Variants in USP18 observed in about 807,000 individuals in gnomAD.
USP18 encodes the protein ubiquitin specific peptidase 18.
USP18 carries 11 observed loss-of-function variants against 48.7 expected under a neutral mutation model. That is an observed-to-expected ratio of 0.23 (90% CI 0.14 to 0.37). The LOEUF (loss-of-function observed/expected upper bound fraction) is 0.37, where lower values mean the gene tolerates loss of function less well. USP18 is among the 10% of genes least tolerant of loss of function. The pLI is 1.00. For missense variants in USP18, 285 were observed against 436.4 expected, an observed-to-expected ratio of 0.65 and a Z score of 3.09; for synonymous variants, 114 against 163.2, an observed-to-expected ratio of 0.70 and a Z score of 2.30.
chr22:18,164,162 G>A (rs563743820), intron 4 of USP18, among the ~76,000 whole-genome samples: 3 of 152,300 alleles, frequency 2.0e-5, no homozygotes, highest in African/African-American at 7.2e-5. Flanking sequence ...AGTGGGAGCA[G>A]CTGTGGAGGT....
chr22:18,160,689 T>G lies in USP18; in HGVS notation c.254+421T>G, dbSNP rs531966947. Reference sequence around the variant, plus strand: ...TCTCAAAAGCTGGCAGAGGAAAGATTGGCTTCTGCATATTCTGGCCTACAC... The same window carrying G: ...TCTCAAAAGCTGGCAGAGGAAAGATGGGCTTCTGCATATTCTGGCCTACAC... On this transcript the variant is annotated intron_variant, in intron 3 of 10. Transcript: ENST00000215794. 5.3e-5 allele frequency among the ~76,000 whole-genome samples: 8 copies of G among 152,146 alleles called. No individual in the cohort carries two copies. The South Asian group carries it at 1.7e-3, about 32-fold the overall frequency.
chr22:18,156,360 C>G (rs542379810), intron 1 of USP18, among the ~76,000 whole-genome samples: 8 of 152,226 alleles, frequency 5.3e-5, no homozygotes, highest in Non-Finnish European at 1.0e-4. Context: ...CAGTGGCAAC[C>G]TGGTCAGGTT....
chr22:18,158,286 T>A (rs1307613432), intron 2 of USP18, among the ~76,000 whole-genome samples: 1 of 152,140 alleles, frequency 6.6e-6, no homozygotes, highest in Non-Finnish European at 1.5e-5. Context: ...AGACTCTGTC[T>A]CAAACAAACA....
At chr22:18,173,094 T>G (rs1929680538) in intron 8 of USP18, 56 bp from the exon 9 acceptor site, 1 of 1,604,762 alleles carries the variant, frequency 6.2e-7, no homozygotes, top group African/African-American at 1.4e-5. Context: ...TATAAATGTG[T>G]GAGGCAGTCG....
At chr22:18,163,823 A>G (rs1263698409) in intron 4 of USP18, among the ~76,000 whole-genome samples, 1 of 152,138 alleles carries the variant, frequency 6.6e-6, no homozygotes. Flanking sequence ...TCAGGAGATT[A>G]GAATGTGTCA....
At chr22:18,160,989 C>T (rs1261149108) in intron 3 of USP18, among the ~76,000 whole-genome samples, 1 of 152,098 alleles carries the variant, frequency 6.6e-6, no homozygotes, top group East Asian at 1.9e-4. Flanking sequence ...AGGCTGGTCT[C>T]AATTTCCTGA....
intron 1 of USP18, among the ~76,000 whole-genome samples, chr22:18,156,388 A>C (rs1397514619): frequency 6.6e-6 from 1 of 152,192 alleles, no homozygotes; most frequent in Admixed American, 6.5e-5. Context: ...ATGCTGTGGA[A>C]GCTTTGTTGT....
chr22:18,166,186 C>A (rs533236201), intron 4 of USP18, among the ~76,000 whole-genome samples: 25 of 152,276 alleles, frequency 1.6e-4, no homozygotes, highest in Non-Finnish European at 3.5e-4. Flanking sequence ...TTTATGGATT[C>A]TTTCTTTTGC....
intron 1 of USP18, among the ~76,000 whole-genome samples, chr22:18,151,928 C>G (rs1929009101): frequency 6.6e-6 from 1 of 152,138 alleles, no homozygotes; most frequent in Non-Finnish European, 1.5e-5. Flanking sequence ...GCGGCAGGCG[C>G]CTGTAGTCCC....
intron 4 of USP18, among the ~76,000 whole-genome samples, chr22:18,165,001 T>C (rs1929438652): frequency 2.0e-5 from 3 of 151,098 alleles, no homozygotes; most frequent in Admixed American, 6.6e-5. Context: ...TTCTCCCCAT[T>C]GCCCCCTGTG....
At chr22:18,166,651 T>C (rs1270338917) in intron 4 of USP18, among the ~76,000 whole-genome samples, 1 of 152,142 alleles carries the variant, frequency 6.6e-6, no homozygotes, top group African/African-American at 2.4e-5. Flanking sequence ...CTTTCTTGCA[T>C]GTGGCCTTGT....
chr22:18,167,298 G>C lies in USP18; in HGVS notation c.444G>C (p.Trp148Cys). ...HDAAQLYLKL[W>C]NLIKDQITDV... ...CTGCCCAACTGTACCTCAAACTCTG[G>C]AACCTGATTAAGGACCAGATCACTG... Residue 148 changes from tryptophan (W) to cysteine (C), a missense_variant, in exon 5 of 11, where the codon TGG becomes TGC. Coordinates refer to ENST00000215794, the MANE Select transcript of USP18 (RefSeq NM_017414.4). The C allele has an allele frequency of 6.2e-7, 1 of 1,613,842 alleles. No individual in the cohort carries two copies. Among genetic ancestry groups the C allele is most frequent in the South Asian group, 1.1e-5 (1 of 91,054 alleles).
In USP18 at chr22:18,154,726, C is replaced by T. The variant is rs1602518252; in HGVS notation, c.-106-2832C>T. On this transcript the variant is annotated intron_variant, in intron 1 of 10. Coordinates refer to ENST00000215794, the MANE Select transcript of USP18 (RefSeq NM_017414.4). The stretch of plus-strand genomic sequence containing the variant: ...AAACTGCTGGGATTACAGGCCTGAG[C>T]CACCATGCCAGGCCTCATCTCTATA... Among the ~76,000 whole-genome samples, 4 of 152,306 alleles carry T rather than the reference C, an allele frequency of 2.6e-5. No individual in the cohort carries two copies. The South Asian group carries it at 8.3e-4, about 32-fold the overall frequency.
chr22:18,156,046 C>T (rs1478074156), intron 1 of USP18, among the ~76,000 whole-genome samples: 1 of 152,236 alleles, frequency 6.6e-6, no homozygotes, highest in East Asian at 1.9e-4. Flanking sequence ...TTTGTAAACA[C>T]ACCAATCAGC....
At chr22:18,151,894 A>C (rs542166357) in intron 1 of USP18, among the ~76,000 whole-genome samples, 35 of 152,204 alleles carry the variant, frequency 2.3e-4, no homozygotes, top group African/African-American at 7.2e-4. Flanking sequence ...ATCTACTAAA[A>C]ATAAAAAATA....
At chr22:18,160,141 C>A (rs770093017) in intron 2 of USP18, 31 bp from the exon 3 acceptor site, 55 of 1,604,124 alleles carry the variant, frequency 3.4e-5, no homozygotes, top group Non-Finnish European at 4.4e-5. Flanking sequence ...CTAGGCCTTG[C>A]CCTCAGCATT....
At position 18,173,941 on chromosome 22, in the gene USP18, A is replaced by G. The variant is rs1602534202; in HGVS notation, c.1073+99A>G. 4 of 1,505,804 alleles carry G rather than the reference A, an allele frequency of 2.7e-6. No individual in the cohort carries two copies. The East Asian group carries it at 9.4e-5, about 35-fold the overall frequency. 93.3% of individuals were successfully genotyped at this position (1,505,804 alleles called of 1,614,324 possible). A position where few individuals can be genotyped will look rare whatever the true frequency, so the allele number is the denominator to read the frequency against. On this transcript the variant is annotated intron_variant, in intron 10 of 10. Transcript: ENST00000215794. ...GGATTCCCCTGTTACTAACATGCTG[A>G]TGGCTCACTGTCCGCCTCATCTCCA...
chr22:18,153,995 C>T (rs543250373), intron 1 of USP18, among the ~76,000 whole-genome samples: 5 of 151,692 alleles, frequency 3.3e-5, no homozygotes, highest in African/African-American at 9.7e-5. Context: ...TTCCGTATCT[C>T]GGGTATTATG....
intron 5 of USP18, 23 bp from the exon 6 acceptor site, chr22:18,167,867 C>T: frequency 1.9e-6 from 3 of 1,608,642 alleles, no homozygotes; most frequent in East Asian, 2.2e-5. Context: ...TCCCATCTCA[C>T]CTCTCCGCTC....
Sources: gnomAD v4.1 joint callset for allele counts (sites outside exome capture counted in the v4.1 genomes callset) on GRCh38, gnomAD v4.1.1 for gene constraint, MANE v1.5 for transcripts, NCBI Gene and HGNC (gene_info 2026-07-23, HGNC 2026-07-21) for gene names.